The following OBSL1 variants were observed in gnomAD, a reference collection of about 807,000 sequenced individuals.
The protein encoded by OBSL1 is obscurin-like protein 1.
Under a neutral mutation model 172.0 loss-of-function variants are expected in OBSL1, and 160 were observed. The ratio of observed to expected loss-of-function variants is 0.93; its 90% CI spans 0.82 to 1.06. The LOEUF is 1.06. Ranked by LOEUF, OBSL1 falls within the 50% of genes least tolerant of loss-of-function variation. The pLI is 0.00. For missense variants in OBSL1, 2,681 were observed against 2,715.4 expected (o/e 0.99, Z 0.28); for synonymous variants, 1,200 against 1,196.3 (o/e 1.00, Z -0.06).
chr2:219,563,373 A>C lies in OBSL1; in HGVS notation c.2662T>G (p.Phe888Val), dbSNP rs751181044. 2 of 1,585,402 alleles carry C rather than the reference A, an allele frequency of 1.3e-6. No individual in the cohort carries two copies. Among genetic ancestry groups the C allele is most frequent in the African/African-American group, 2.7e-5 (2 of 74,558 alleles). Residue 888 changes from phenylalanine to valine, a missense_variant, in exon 7 of 21, where the codon TTC (phenylalanine) becomes GTC (valine). Transcript: ENST00000404537. Reference protein sequence around the residue: ...QCVAGDECAYFTVTITDVSSW... With the variant: ...QCVAGDECAYVTVTITDVSSW... ...CCCCCACCTGTGATGGTGACAGTGA[A>C]GTAGGCACACTCATCTCCAGCGACG... is the stretch of plus-strand genomic sequence containing the variant.
rs766962624 is a variant in OBSL1, at chr2:219,567,975, A to G, written c.1283-6T>C. 1 of 1,613,106 alleles carries G rather than the reference A, an allele frequency of 6.2e-7. No individual in the cohort carries two copies. The highest frequency in any genetic ancestry group is 1.1e-5 in the South Asian group (1 of 91,064). On this transcript the variant is annotated splice_polypyrimidine_tract_variant and splice_region_variant and intron_variant, in intron 2 of 20. Coordinates refer to ENST00000404537, the MANE Select transcript of OBSL1 (RefSeq NM_015311.3). Reference sequence around the variant, plus strand: ...CAGGCGCTTCAGGATGGGCCCTGAGATGCGGACAGGAATCCATCAACCTGG... The same window carrying G: ...CAGGCGCTTCAGGATGGGCCCTGAGGTGCGGACAGGAATCCATCAACCTGG...
rs1236944447 is a variant in OBSL1 at position 219,552,665 on chromosome 2, A to T, written c.5179T>A (p.Ser1727Thr). The T allele has an allele frequency of 7.1e-6, 11 of 1,538,742 alleles. No individual in the cohort carries two copies. In the South Asian group the frequency reaches 1.3e-4, roughly 18 times the overall value. Residue 1727 changes from serine to threonine, a missense_variant, in exon 18 of 21, where the codon TCG becomes ACG. By Grantham distance (58) the Ser-to-Thr change is moderately conservative. This residue lies in a region of OBSL1 where 1,765 missense variants were observed against 1,748.3 expected (regional missense o/e 1.01). Transcript: ENST00000404537. ...CCGTCGCCTTCGCGGGCGCTCACCG[A>T]CCGCAGCTCGGAGAGTACCGCCACA... The part of the protein sequence containing the change: ...RTVAVLSELR[S>T]VSAREGDGAT...
intron 11 of OBSL1, 56 bp downstream of exon 11, chr2:219,557,767 G>C (rs988879484): frequency 1.9e-5 from 30 of 1,558,668 alleles, no homozygotes; most frequent in Non-Finnish European, 2.5e-5. Flanking sequence ...CAGAGTTTGG[G>C]GTGCCACTCT....
chr2:219,556,065 A>G lies in OBSL1; in HGVS notation c.4564T>C (p.Cys1522Arg), dbSNP rs1363806011. The G allele has an allele frequency of 1.2e-5, 19 of 1,613,744 alleles. No individual in the cohort carries two copies. The highest frequency in any genetic ancestry group is 1.6e-5 in the Non-Finnish European group (19 of 1,179,890). ...AGGGTGCGATCGTGGTGGCTCTCGCAGCCGTAGGTGCCCTGGTCGGCCAGT... is the reference window on the plus strand; with the variant it reads ...AGGGTGCGATCGTGGTGGCTCTCGCGGCCGTAGGTGCCCTGGTCGGCCAGT... ...VILADQGTYG[C>R]ESHHDRTLAR... The change falls in exon 14 of 21, where the codon TGC becomes CGC. Residue 1522 changes from cysteine (C) to arginine (R), a missense_variant. Cys to Arg is a radical substitution (Grantham distance 180). This residue lies in a region of OBSL1 where 1,765 missense variants were observed against 1,748.3 expected (regional missense o/e 1.01). Coordinates refer to ENST00000404537, the MANE Select transcript of OBSL1 (RefSeq NM_015311.3).
At position 219,565,476 on chromosome 2, in the gene OBSL1, A is replaced by G; in HGVS notation, c.2173T>C (p.Ser725Pro). 1 of 1,612,200 alleles carries G rather than the reference A, an allele frequency of 6.2e-7. No individual in the cohort carries two copies. Among genetic ancestry groups the G allele is most frequent in the Non-Finnish European group, 8.5e-7 (1 of 1,179,868 alleles). The change falls in exon 6 of 21, where the codon TCG (serine) becomes CCG (proline). Residue 725 changes from serine (S) to proline (P), a missense_variant. Coordinates refer to ENST00000404537, the MANE Select transcript of OBSL1 (RefSeq NM_015311.3). ...CGCTCTGAGGTTGTGAAGGTCAACG[A>G]CACCCTGTCCTGGGGGCTCAGGATG... The part of the protein sequence containing the change: ...VHILSPQDRV[S>P]LTFTTSERVV...
At chr2:219,552,280 G>C in intron 18 of OBSL1, 64 bp from the exon 19 acceptor site, 1 of 1,453,430 alleles carries the variant, frequency 6.9e-7, no homozygotes, top group Non-Finnish European at 9.4e-7. Context: ...GGACGAAGGT[G>C]GGGGCCCAGC....
chr2:219,564,724 AGC>A (rs1181908123), intron 6 of OBSL1, among the ~76,000 whole-genome samples: 1 of 152,210 alleles, frequency 6.6e-6, no homozygotes, highest in Non-Finnish European at 1.5e-5. Flanking sequence ...GGATCGTTTG[AGC>A]ACAGGAGTTC....
intron 1 of OBSL1, 139 bp downstream of exon 1, chr2:219,570,082 C>G: frequency 4.1e-6 from 3 of 739,928 alleles, no homozygotes; most frequent in Non-Finnish European, 6.1e-6. Flanking sequence ...GAGAGGCGGG[C>G]GGGTTTGGTA....
intron 18 of OBSL1, 131 bp downstream of exon 18, chr2:219,552,405 G>T (rs1027725105): frequency 4.1e-6 from 4 of 966,006 alleles, no homozygotes; most frequent in Non-Finnish European, 6.1e-6. Context: ...GGAAAGAACA[G>T]GGACGAGGCT....
At chr2:219,552,761 C>T in intron 17 of OBSL1, 64 bp from the exon 18 acceptor site, 1 of 1,513,074 alleles carries the variant, frequency 6.6e-7, no homozygotes, top group East Asian at 2.5e-5. Flanking sequence ...ACGCCCCCTC[C>T]ACGCCCCCTT....
At chr2:219,551,942 G>C in intron 19 of OBSL1, 144 bp from the exon 20 acceptor site, 1 of 883,796 alleles carries the variant, frequency 1.1e-6, no homozygotes, top group South Asian at 1.7e-5. Context: ...CAGACCCAAA[G>C]TCTCCTCTTG....
chr2:219,554,490 G>A lies in OBSL1; in HGVS notation c.4860C>T (p.Ala1620=), dbSNP rs762086108. The change falls in exon 15 of 21, where the codon GCC becomes GCT. Residue 1620 remains alanine, a synonymous_variant. Transcript: ENST00000404537. The part of the protein sequence containing the change: ...SFTADSLRCA[A]RLIVREVPVT... ...AGGCCACACCTCTCACAATGAGTCT[G>A]GCTGCGCAGCGCAGGGAATCCGCTG... 1.9e-6 allele frequency: 3 copies of A among 1,613,220 alleles called. No individual in the cohort carries two copies. The highest frequency in any genetic ancestry group is 2.5e-6 in the Non-Finnish European group (3 of 1,179,864).
chr2:219,568,921 G>C lies in OBSL1; in HGVS notation c.1013-597C>G, dbSNP rs1189083796. Among the ~76,000 whole-genome samples the C allele has an allele frequency of 1.3e-5, 2 of 151,778 alleles. No individual in the cohort carries two copies. The highest frequency in any genetic ancestry group is 4.8e-5 in the African/African-American group (2 of 41,304). On this transcript the variant is annotated intron_variant, in intron 1 of 20. Coordinates refer to ENST00000404537, the MANE Select transcript of OBSL1 (RefSeq NM_015311.3). This position sits in a 1 kb window ranked among gnomAD's most constrained non-coding sequence, Gnocchi z 4.1. ...GCCACCACGCCTGGCTAATGATTTT[G>C]TATTTTTAGTAGAGATGGGGTTTTG...
chr2:219,562,447 A>G lies in OBSL1; in HGVS notation c.2908T>C (p.Cys970Arg), dbSNP rs1696549597. 1 of 1,613,964 alleles carries G rather than the reference A, an allele frequency of 6.2e-7. No homozygotes were observed. The highest frequency in any genetic ancestry group is 8.5e-7 in the Non-Finnish European group (1 of 1,179,874). ...VQLEDSGEYL[C>R]EIDDESASFT... is the part of the protein sequence containing the mutation. ...GAGGCCGACTCATCGTCAATTTCAC[A>G]CAAGTACTCGCCGGAGTCCTCGAGC... The change falls in exon 8 of 21, where the codon TGT becomes CGT. Residue 970 changes from cysteine (C) to arginine (R), a missense_variant. Around this residue, in one of 5 missense-constraint regions of OBSL1, gnomAD observed 1,765 missense variants for 1,748.3 expected, o/e 1.01. Transcript: ENST00000404537.
At chr2:219,553,490 C>T in intron 16 of OBSL1, 84 bp downstream of exon 16, 2 of 1,000,064 alleles carry the variant, frequency 2.0e-6, no homozygotes, top group Non-Finnish European at 1.6e-6. Flanking sequence ...CACATCCGCT[C>T]AAGGAATATT....
At position 219,571,498 on chromosome 2, in the gene OBSL1, GC is replaced by G; in HGVS notation, c.-267del. ...TTCCTGTTTGCCTCTCCAGCGAGTG[GC>G]CCCGCAGCCTCCCCTGCCCGCTGCC... On this transcript the variant is annotated 5_prime_UTR_variant, in exon 1 of 21. Coordinates refer to ENST00000404537, the MANE Select transcript of OBSL1 (RefSeq NM_015311.3). 3.8e-6 allele frequency: 1 copy of G among 264,768 alleles called. No individual in the cohort carries two copies. Among genetic ancestry groups the G allele is most frequent in the Non-Finnish European group, 7.1e-6 (1 of 140,810 alleles). The allele number at this position is 264,768 out of a possible 1,614,324, so 16.4% of individuals were successfully genotyped here. A position where few individuals can be genotyped will look rare whatever the true frequency, so the allele number is the denominator to read the frequency against.
Position 219,563,643 on chromosome 2 carries a change from A to G in OBSL1, c.2408-16T>C, listed in dbSNP as rs1314280120. The stretch of plus-strand genomic sequence containing the variant: ...ACGGGAGGATCTGGGTGGGAAGCAG[A>G]GATGGCATTGCACAGACACCCCCGC... On this transcript the variant is annotated splice_polypyrimidine_tract_variant and intron_variant, in intron 6 of 20. Coordinates refer to ENST00000404537, the MANE Select transcript of OBSL1 (RefSeq NM_015311.3). 1 of 1,606,750 alleles carries G rather than the reference A, an allele frequency of 6.2e-7. No individual in the cohort carries two copies. Among genetic ancestry groups the G allele is most frequent in the Admixed American group, 1.7e-5 (1 of 59,620 alleles).
Position 219,565,512 on chromosome 2 carries a change from T to C in OBSL1, c.2137A>G (p.Ser713Gly), listed in dbSNP as rs1437775198. Residue 713 changes from serine (S) to glycine (G), a missense_variant and splice_region_variant, in exon 6 of 21, where the codon AGC becomes GGC. By Grantham distance (56) the Ser-to-Gly change is moderately conservative (BLOSUM62 0). Transcript: ENST00000404537. ...QDSAALTIQE[S>G]PVHILSPQDR... is the part of the protein sequence containing the mutation. ...TGGGGGCTCAGGATGTGCACCGGGC[T>C]CTCTGTGTGGGGAGAAGTACAGATA... 6.2e-7 allele frequency: 1 copy of C among 1,605,584 alleles called. No homozygotes were observed.
At position 219,568,516 on chromosome 2, in the gene OBSL1, C is replaced by T. The variant is rs765705868; in HGVS notation, c.1013-192G>A. Reference sequence around the variant, plus strand: ...GACCTGAGTTCTCATCCAGCCCTGACACTAGCCACATCACCTTAAGCAAGT... The same window carrying T: ...GACCTGAGTTCTCATCCAGCCCTGATACTAGCCACATCACCTTAAGCAAGT... On this transcript the variant is annotated intron_variant, in intron 1 of 20. Transcript: ENST00000404537. The surrounding 1 kb of genome is among the most constrained non-coding windows in gnomAD (Gnocchi z 4.1). Among the ~76,000 whole-genome samples the T allele has an allele frequency of 5.9e-5, 9 of 152,218 alleles. No homozygotes were observed. Among genetic ancestry groups the T allele is most frequent in the Non-Finnish European group, 1.3e-4 (9 of 68,034 alleles).
Sources: gnomAD v4.1 joint callset for allele counts (sites outside exome capture counted in the v4.1 genomes callset) on GRCh38, gnomAD v4.1.1 for gene constraint, gnomAD v4.1.1 regional missense constraint, Gnocchi (gnomAD v3.1) non-coding constraint, MANE v1.5 for transcripts, NCBI Gene and HGNC (gene_info 2026-07-23, HGNC 2026-07-21) for gene names.